The following SHCBP1L variants were observed in gnomAD, a reference collection of about 807,000 sequenced individuals.
The protein encoded by SHCBP1L is SHC binding and spindle associated 1 like.
A neutral mutation model predicts 62.5 loss-of-function variants in SHCBP1L; 67 were observed. The observed-to-expected ratio is 1.07, with a 90% confidence interval of 0.88 to 1.31. The LOEUF (loss-of-function observed/expected upper bound fraction) is 1.31. Among genes scored for constraint, SHCBP1L ranks in the 40% most tolerant of loss-of-function variants. SHCBP1L has a pLI of 0.00. For synonymous variants in SHCBP1L, 284 were observed against 289.4 expected, an observed-to-expected ratio of 0.98 and a Z score of 0.19; for missense variants, 823 against 809.8, an observed-to-expected ratio of 1.02 and a Z score of -0.20.
chr1:182,938,951 A>C (rs1188034148), intron 5 of SHCBP1L, among the ~76,000 whole-genome samples: 1 of 152,328 alleles, frequency 6.6e-6, no homozygotes, highest in Non-Finnish European at 1.5e-5. Flanking sequence ...AGATAAGGAA[A>C]GAAATGGATT....
At chr1:182,924,893 A>AAGAG (rs370354957) in intron 6 of SHCBP1L, among the ~76,000 whole-genome samples, 1 of 120,972 alleles carries the variant, frequency 8.3e-6, no homozygotes, top group South Asian at 2.8e-4. Context: ...GGGAAAGACA[A>AAGAG]AGAGAGAGAG....
At chr1:182,932,968 C>T (rs773334307) in intron 5 of SHCBP1L, among the ~76,000 whole-genome samples, 35 of 151,998 alleles carry the variant, frequency 2.3e-4, no homozygotes, top group Middle Eastern at 6.8e-3. Context: ...TGCAGTGGTG[C>T]GATCTCAGCT....
At chr1:182,925,830 A>G (rs1409686247) in intron 6 of SHCBP1L, among the ~76,000 whole-genome samples, 1 of 152,242 alleles carries the variant, frequency 6.6e-6, no homozygotes, top group African/African-American at 2.4e-5. Flanking sequence ...TGATGAATGT[A>G]TAAGCAGATC....
chr1:182,937,634 T>C (rs754693346), intron 5 of SHCBP1L, among the ~76,000 whole-genome samples: 46 of 152,224 alleles, frequency 3.0e-4, no homozygotes, highest in Non-Finnish European at 5.9e-4. Context: ...CTTCTTCTTC[T>C]GGTATTACAA....
rs13374625 is a variant in SHCBP1L, at chr1:182,952,438, A to G, written c.405+291T>C. On this transcript the variant is annotated intron_variant, in intron 1 of 9. Coordinates refer to ENST00000367547, the MANE Select transcript of SHCBP1L (RefSeq NM_030933.4). The stretch of plus-strand genomic sequence containing the variant: ...CCAAGATTCATGCCTGTGCAATGAT[A>G]AGGCCAATATATCTTCATTTTTTAG... 2,368 of 299,056 alleles carry G rather than the reference A, an allele frequency of 7.9e-3. 31 individuals carry two copies. The highest frequency in any genetic ancestry group is 0.038 in the African/African-American group (1,736 of 45,272). The allele number at this position is 299,056 out of a possible 1,614,324, so 18.5% of individuals were successfully genotyped here.
Position 182,941,756 on chromosome 1 carries a change from T to C in SHCBP1L, c.556-1213A>G, listed in dbSNP as rs140172797. Among the ~76,000 whole-genome samples the C allele has an allele frequency of 4.5e-3, 688 of 152,332 alleles. 5 individuals are homozygous for C. The highest frequency in any genetic ancestry group is 0.016 in the African/African-American group (662 of 41,564). On this transcript the variant is annotated intron_variant, in intron 2 of 9. Transcript: ENST00000367547. ...AAAATGTTCAAGACATTAAATGCAG[T>C]ACTGACTCCATACTGCCATTTAATA... is the stretch of plus-strand genomic sequence containing the variant.
At chr1:182,951,295 A>C (rs765055898) in intron 2 of SHCBP1L, 23 bp downstream of exon 2, 69 of 1,501,894 alleles carry the variant, frequency 4.6e-5, no homozygotes, top group Non-Finnish European at 5.7e-5. Context: ...AAAAAGAACA[A>C]AGATCAAATA....
At chr1:182,935,852 G>T (rs1480158453) in intron 5 of SHCBP1L, among the ~76,000 whole-genome samples, 1 of 152,162 alleles carries the variant, frequency 6.6e-6, no homozygotes, top group Non-Finnish European at 1.5e-5. Flanking sequence ...GCATGAGCAT[G>T]AAATATCTTT....
In SHCBP1L at chr1:182,952,770, T is replaced by G. The variant is rs1231424367; in HGVS notation, c.364A>C (p.Lys122Gln). Residue 122 changes from lysine (K) to glutamine (Q), a missense_variant, in exon 1 of 10, where the codon AAG becomes CAG. Transcript: ENST00000367547. Reference protein sequence around the residue: ...SRMRGMWRDEKVSLYCDEVLQ... With the variant: ...SRMRGMWRDEQVSLYCDEVLQ... ...ACTTCGTCGCAATACAGCGACACCT[T>G]CTCGTCCCGCCACATCCCCCTCATA... The G allele has an allele frequency of 1.2e-5, 19 of 1,611,760 alleles. 1 individual carries two copies. The South Asian group carries it at 2.1e-4, about 18-fold the overall frequency.
At chr1:182,925,751 C>T (rs1206531152) in intron 6 of SHCBP1L, among the ~76,000 whole-genome samples, 2 of 152,120 alleles carry the variant, frequency 1.3e-5, no homozygotes, top group Non-Finnish European at 2.9e-5. Flanking sequence ...CAAACTCTTG[C>T]ACACAGATGT....
chr1:182,911,615 A>G (rs2101924873), intron 6 of SHCBP1L, among the ~76,000 whole-genome samples: 1 of 152,352 alleles, frequency 6.6e-6, no homozygotes, highest in South Asian at 2.1e-4. Flanking sequence ...ATAAAGAACT[A>G]GAAGCAACCA....
intron 5 of SHCBP1L, among the ~76,000 whole-genome samples, chr1:182,932,698 C>T (rs1337538721): frequency 6.6e-6 from 1 of 152,014 alleles, no homozygotes; most frequent in Non-Finnish European, 1.5e-5. Context: ...TTTTGCCATA[C>T]TGGCCAGGCT....
intron 2 of SHCBP1L, among the ~76,000 whole-genome samples, chr1:182,945,284 GC>G (rs1242388595): frequency 1.3e-5 from 2 of 151,968 alleles, no homozygotes; most frequent in African/African-American, 4.8e-5. Flanking sequence ...TTTCTACGTG[GC>G]TTTCATTAAT....
At chr1:182,928,335 GTAAA>G (rs770741589) in intron 6 of SHCBP1L, among the ~76,000 whole-genome samples, 33 of 152,208 alleles carry the variant, frequency 2.2e-4, no homozygotes, top group Non-Finnish European at 3.7e-4. Flanking sequence ...TGGATGAGTG[GTAAA>G]TACTCTTTGC....
chr1:182,901,191 C>T (rs1050295089), intron 9 of SHCBP1L, among the ~76,000 whole-genome samples: 7 of 152,066 alleles, frequency 4.6e-5, no homozygotes, highest in African/African-American at 1.7e-4. Context: ...GGCGTGGTGG[C>T]TCACACCTGT....
chr1:182,916,647 T>C (rs918678304), intron 6 of SHCBP1L, among the ~76,000 whole-genome samples: 1 of 152,128 alleles, frequency 6.6e-6, no homozygotes, highest in Non-Finnish European at 1.5e-5. Context: ...AAATTAAGTA[T>C]ACAAATTCCT....
chr1:182,942,297 G>A, intron 2 of SHCBP1L: 2 of 982,542 alleles, frequency 2.0e-6, no homozygotes, highest in East Asian at 2.4e-5. Flanking sequence ...GCCTTTTTCG[G>A]CTTCGCTTCC....
At chr1:182,943,979 G>A (rs1651464495) in intron 2 of SHCBP1L, among the ~76,000 whole-genome samples, 2 of 150,814 alleles carry the variant, frequency 1.3e-5, no homozygotes, top group Admixed American at 1.3e-4. Context: ...AAATTAGCCT[G>A]GAGTGGTGGT....
At chr1:182,946,335 TCTC>T (rs1292743498) in intron 2 of SHCBP1L, among the ~76,000 whole-genome samples, 1 of 151,916 alleles carries the variant, frequency 6.6e-6, no homozygotes, top group Non-Finnish European at 1.5e-5. Flanking sequence ...CTTCCTTTCT[TCTC>T]CTCCTCATCT....
Sources: gnomAD v4.1 joint callset for allele counts (sites outside exome capture counted in the v4.1 genomes callset) on GRCh38, gnomAD v4.1.1 for gene constraint, MANE v1.5 for transcripts, NCBI Gene and HGNC (gene_info 2026-07-23, HGNC 2026-07-21) for gene names.